The following MPO variants were observed in gnomAD, a reference collection of about 807,000 sequenced individuals.
MPO encodes myeloperoxidase.
A neutral mutation model predicts 69.4 loss-of-function variants in MPO; 57 were observed. The observed-to-expected ratio is 0.82, with a 90% CI of 0.66 to 1.02. The LOEUF is 1.02. Among genes scored for constraint, MPO ranks in the 50% least tolerant of loss-of-function variants. The pLI is 0.00. For missense variants in MPO, 971 were observed against 1,014.1 expected (o/e 0.96, Z 0.58); for synonymous variants, 426 against 417.1 (o/e 1.02, Z -0.26).
intron 6 of MPO, 98 bp downstream of exon 6, chr17:58,278,910 C>G (rs1036455357): frequency 4.3e-6 from 6 of 1,388,198 alleles, no homozygotes; most frequent in Admixed American, 3.9e-5. Context: ...CCTTCCTCAG[C>G]GTCTGGGAAA....
At position 58,280,812 on chromosome 17, in the gene MPO, G is replaced by A. The variant is rs1294062351; in HGVS notation, c.-54C>T. ...CTTTGTACCTCAGCCCCACCTCAGA[G>A]GGCCCTGTCTATGGATAAAGCCAGA... is the stretch of plus-strand genomic sequence containing the variant. On this transcript the variant is annotated 5_prime_UTR_variant, in exon 1 of 12. Coordinates refer to ENST00000225275, the MANE Select transcript of MPO (RefSeq NM_000250.2). The A allele has an allele frequency of 6.8e-6, 11 of 1,606,200 alleles. No individual in the cohort carries two copies. Among genetic ancestry groups the A allele is most frequent in the Non-Finnish European group, 9.4e-6 (11 of 1,175,484 alleles).
At chr17:58,278,610 T>C (rs1970469477) in intron 6 of MPO, among the ~76,000 whole-genome samples, 1 of 151,954 alleles carries the variant, frequency 6.6e-6, no homozygotes, top group African/African-American at 2.4e-5. Context: ...TTCTGTGTGA[T>C]GGGGGTTGGG....
rs35614168 is a variant in MPO at position 58,271,643 on chromosome 17, G to T, written c.2030+12C>A. 8.0e-5 allele frequency: 129 copies of T among 1,613,192 alleles called. No individual in the cohort carries two copies. The African/African-American group carries it at 1.6e-3, about 20-fold the overall frequency. On this transcript the variant is annotated intron_variant, in intron 11 of 11. Transcript: ENST00000225275. Reference sequence around the variant, plus strand: ...AGCCACCCAGCGGCCCACGACGCCTGCCCCTCCTCACCGATCACCATCCCG... The same window carrying T: ...AGCCACCCAGCGGCCCACGACGCCTTCCCCTCCTCACCGATCACCATCCCG...
rs145648830 is a variant in MPO at position 58,279,921 on chromosome 17, C to A, written c.342G>T (p.Arg114Ser). 8 of 1,614,056 alleles carry A rather than the reference C, an allele frequency of 5.0e-6. No homozygotes were observed. Among genetic ancestry groups the A allele is most frequent in the South Asian group, 1.1e-5 (1 of 91,086 alleles). ...GAGCCACGTGCAGGTAGTCAGCGGC[C>A]CTCACCGCCGTCCTGGTGGCTGCCA... The part of the protein sequence containing the change: ...QPVAATRTAV[R>S]AADYLHVALD... The change falls in exon 3 of 12, where the codon AGG (arginine) becomes AGT (serine). Residue 114 changes from arginine (R) to serine (S), a missense_variant. Coordinates refer to ENST00000225275, the MANE Select transcript of MPO (RefSeq NM_000250.2).
At chr17:58,271,140 C>T (rs777436287) in intron 11 of MPO, among the ~76,000 whole-genome samples, 5 of 152,202 alleles carry the variant, frequency 3.3e-5, no homozygotes, top group Non-Finnish European at 7.3e-5. Context: ...GGCCCACACA[C>T]ACTCCTGAAG....
rs888091966 is a variant in MPO at position 58,271,664 on chromosome 17, T to A, written c.2021A>T (p.Asp674Val). 28 of 1,613,698 alleles carry A rather than the reference T, an allele frequency of 1.7e-5. No homozygotes were observed. Among genetic ancestry groups the A allele is most frequent in the Middle Eastern group, 1.6e-4 (1 of 6,080 alleles). ...IIGTQFRKLR[D>V]GDRFWWENEG... ...GCCTGCCCCTCCTCACCGATCACCA[T>A]CCCGGAGCTTCCTGAACTGGGTACC... Residue 674 changes from aspartate (D) to valine (V), a missense_variant, in exon 11 of 12, where the codon GAT becomes GTT. Transcript: ENST00000225275.
rs113328308 is a variant in MPO at position 58,271,597 on chromosome 17, G to A, written c.2030+58C>T. The A allele has an allele frequency of 9.0e-6, 14 of 1,554,114 alleles. 1 individual carries two copies. Among genetic ancestry groups the A allele is most frequent in the African/African-American group, 8.1e-5 (6 of 73,882 alleles). On this transcript the variant is annotated intron_variant, in intron 11 of 11. Coordinates refer to ENST00000225275, the MANE Select transcript of MPO (RefSeq NM_000250.2). ...TGACAGGAGGAAATTTGGGCTCCAA[G>A]AGAGTCAAGGATGGGCCCACAGCCA...
At chr17:58,272,191 T>C (rs1210273906) in intron 10 of MPO, among the ~76,000 whole-genome samples, 2 of 152,164 alleles carry the variant, frequency 1.3e-5, no homozygotes, top group Admixed American at 1.3e-4. Context: ...AATAGGGACA[T>C]CTCCTTGTCC....
Position 58,278,051 on chromosome 17 carries a change from C to G in MPO, c.980G>C (p.Arg327Pro). Reference sequence around the variant, plus strand: ...GGAAGTGAGCGCGTTGATCTGGTTGCGGATGGTGATGTTGCTCCCGGGGCA... The same window carrying G: ...GGAAGTGAGCGCGTTGATCTGGTTGGGGATGGTGATGTTGCTCCCGGGGCA... ...PACPGSNITI[R>P]NQINALTSFV... Residue 327 changes from arginine to proline, a missense_variant, in exon 7 of 12, where the codon CGC becomes CCC. By Grantham distance (103) the Arg-to-Pro change is moderately radical (BLOSUM62 -2). Coordinates refer to ENST00000225275, the MANE Select transcript of MPO (RefSeq NM_000250.2). 3 of 1,613,250 alleles carry G rather than the reference C, an allele frequency of 1.9e-6. No individual in the cohort carries two copies. The highest frequency in any genetic ancestry group is 2.5e-6 in the Non-Finnish European group (3 of 1,180,030).
rs1271546630 is a variant in MPO at position 58,277,848 on chromosome 17, G to A, written c.1183C>T (p.Arg395Cys). Residue 395 changes from arginine to cysteine, a missense_variant, in exon 7 of 12, where the codon CGC (arginine) becomes TGC (cysteine). Arg to Cys is a radical substitution (Grantham distance 180, BLOSUM62 -3). Transcript: ENST00000225275. ...TGACCTGCCAGGAAGCAGGGGATGC[G>A]CGCTGAGCGGTTGGTGAGGAGACAG... ...DPCLLTNRSA[R>C]IPCFLAGDTR... The A allele has an allele frequency of 3.1e-6, 5 of 1,605,246 alleles. No homozygotes were observed. Among genetic ancestry groups the A allele is most frequent in the African/African-American group, 1.3e-5 (1 of 75,042 alleles).
rs1051796680 is a variant in MPO at position 58,278,091 on chromosome 17, GGAA to G, written c.937_939del (p.Phe313del). 9 of 1,608,812 alleles carry G rather than the reference GGAA, an allele frequency of 5.6e-6. No homozygotes were observed. Among genetic ancestry groups the G allele is most frequent in the Non-Finnish European group, 7.6e-6 (9 of 1,180,002 alleles). ...CTCCCGGGGCAAGCCGGGCAGGAGC[GGAA>G]GAACGGGATGCAGTCGGCTTGGTTC... On this transcript the variant is annotated inframe_deletion, in exon 7 of 12. Coordinates refer to ENST00000225275, the MANE Select transcript of MPO (RefSeq NM_000250.2).
At chr17:58,280,087 C>A in intron 2 of MPO, 73 bp from the exon 3 acceptor site, 1 of 1,589,318 alleles carries the variant, frequency 6.3e-7, no homozygotes, top group Non-Finnish European at 8.6e-7. Flanking sequence ...AGCCCAGGGG[C>A]AGACATGCAG....
At chr17:58,279,457 G>C (rs766389652) in intron 4 of MPO, 31 bp from the exon 5 acceptor site, 1 of 1,612,016 alleles carries the variant, frequency 6.2e-7, no homozygotes, top group South Asian at 1.1e-5. Context: ...CTGACACCGG[G>C]AGGCTTGTGG....
intron 7 of MPO, among the ~76,000 whole-genome samples, chr17:58,276,043 C>G (rs182736916): frequency 6.6e-6 from 1 of 152,300 alleles, no homozygotes; most frequent in Admixed American, 6.5e-5. Context: ...ATTTTACCCT[C>G]CCTCCTAGCA....
rs1289909387 is a variant in MPO, at chr17:58,275,478, A to C, written c.1365+64T>G. On this transcript the variant is annotated intron_variant, in intron 8 of 11. Transcript: ENST00000225275. The surrounding 1 kb of genome is among the most constrained non-coding windows in gnomAD (Gnocchi z 4.1). The stretch of plus-strand genomic sequence containing the variant: ...GAGCGTTAGGAACTTGCCCAAGGTC[A>C]CACAGCTAGGATGTTGCAGGGACAC... The C allele has an allele frequency of 5.6e-6, 9 of 1,608,964 alleles. No individual in the cohort carries two copies. Among genetic ancestry groups the C allele is most frequent in the Non-Finnish European group, 7.7e-6 (9 of 1,176,038 alleles).
Position 58,270,233 on chromosome 17 carries a change from C to A in MPO, c.*423G>T. On this transcript the variant is annotated 3_prime_UTR_variant, in exon 12 of 12. Coordinates refer to ENST00000225275, the MANE Select transcript of MPO (RefSeq NM_000250.2). This position sits in a 1 kb window ranked among gnomAD's most constrained non-coding sequence, Gnocchi z 4.1. ...AAGTGGGCCCTCCAAGAAACCATGACAGATGTAATTTACAAGGAAGAAAAC... is the reference window on the plus strand; with the variant it reads ...AAGTGGGCCCTCCAAGAAACCATGAAAGATGTAATTTACAAGGAAGAAAAC... 1 of 311,698 alleles carries A rather than the reference C, an allele frequency of 3.2e-6. No homozygotes were observed. The allele number at this position is 311,698 out of a possible 1,614,324, so 19.3% of individuals were successfully genotyped here.
Position 58,280,403 on chromosome 17 carries a change from G to T in MPO, c.211C>A (p.Gln71Lys). The change falls in exon 2 of 12, where the codon CAG becomes AAG. Residue 71 changes from glutamine to lysine, a missense_variant. Transcript: ENST00000225275. ...TCCTTGTAGGCCTTGTCCACCAGCT[G>T]CTTGGCCTCCTCCATGGAGCTCAGC... Reference protein sequence around the residue: ...LVLSSMEEAKQLVDKAYKERR... With the variant: ...LVLSSMEEAKKLVDKAYKERR... The T allele has an allele frequency of 1.2e-6, 2 of 1,614,074 alleles. No individual in the cohort carries two copies. Among genetic ancestry groups the T allele is most frequent in the Non-Finnish European group, 1.7e-6 (2 of 1,179,978 alleles).
Position 58,275,733 on chromosome 17 carries a change from A to G in MPO, c.1205-31T>C, listed in dbSNP as rs1241774628. ...GGAGGCAAAAGCCACTGTCATTCTT[A>G]AGGCCTCCATCCCAGAAAAGATTTG... On this transcript the variant is annotated intron_variant, in intron 7 of 11. Coordinates refer to ENST00000225275, the MANE Select transcript of MPO (RefSeq NM_000250.2). The surrounding 1 kb of genome is among the most constrained non-coding windows in gnomAD (Gnocchi z 4.1). 1 of 1,613,516 alleles carries G rather than the reference A, an allele frequency of 6.2e-7. No homozygotes were observed. The highest frequency in any genetic ancestry group is 8.5e-7 in the Non-Finnish European group (1 of 1,179,804).
rs200188979 is a variant in MPO at position 58,272,915 on chromosome 17, C to T, written c.1625G>A (p.Gly542Asp). The T allele has an allele frequency of 7.4e-6, 12 of 1,613,996 alleles. No individual in the cohort carries two copies. Among genetic ancestry groups the T allele is most frequent in the Non-Finnish European group, 1.7e-6 (2 of 1,180,006 alleles). The change falls in exon 10 of 12, where the codon GGC (glycine) becomes GAC (aspartate). Residue 542 changes from glycine (G) to aspartate (D), a missense_variant. Gly to Asp is a moderately conservative substitution (Grantham distance 94). Transcript: ENST00000225275. ...FASWRVVLEGGIDPILRGLMA... is the reference protein window; with the variant it reads ...FASWRVVLEGDIDPILRGLMA... ...GAGGCCCCGGAGGATGGGGTCAATG[C>T]CACCTGGGGACCAGAGGAGCCAGGT...
Sources: gnomAD v4.1 joint callset for allele counts (sites outside exome capture counted in the v4.1 genomes callset) on GRCh38, gnomAD v4.1.1 for gene constraint, Gnocchi (gnomAD v3.1) non-coding constraint, MANE v1.5 for transcripts, NCBI Gene and HGNC (gene_info 2026-07-23, HGNC 2026-07-21) for gene names.